Variants in GPM6A observed in about 807,000 individuals in gnomAD.
The protein encoded by GPM6A is glycoprotein M6A, also known as neuronal membrane glycoprotein M6-a.
In GPM6A, 7 loss-of-function variants were observed where a neutral mutation model predicts 32.1. The ratio of observed to expected loss-of-function variants is 0.22; its 90% CI spans 0.12 to 0.41. The LOEUF (loss-of-function observed/expected upper bound fraction) is 0.41. GPM6A is among the 10% of genes least tolerant of loss of function. The pLI, the probability that GPM6A is intolerant of heterozygous loss-of-function variation, is 1.00. For missense variants in GPM6A, 235 were observed against 347.2 expected (o/e 0.68, Z 2.57); for synonymous variants, 130 against 123.4 (o/e 1.05, Z -0.35).
intron 1 of GPM6A, among the ~76,000 whole-genome samples, chr4:175,777,080 C>T (rs1733424941): frequency 6.6e-6 from 1 of 152,046 alleles, no homozygotes; most frequent in Non-Finnish European, 1.5e-5. Flanking sequence ...ATTAAGGATG[C>T]ATGTGTAAAG....
rs151322270 is a variant in GPM6A at position 175,914,948 on chromosome 4, G to A, written c.-23+87361C>T. Among the ~76,000 whole-genome samples the A allele has an allele frequency of 4.6e-5, 7 of 152,170 alleles. No individual in the cohort carries two copies. The East Asian group carries it at 7.7e-4, about 17-fold the overall frequency. On this transcript the variant is annotated intron_variant, in intron 1 of 7. Coordinates refer to the GPM6A transcript ENST00000280187. ...AACCTAGAAAAGTGACTGGCACAGC[G>A]CACATGCTCAATAAATATTTTTACA...
intron 1 of GPM6A, chr4:175,787,061 T>C: frequency 2.8e-6 from 1 of 353,278 alleles, no homozygotes; most frequent in Non-Finnish European, 5.1e-6. Flanking sequence ...GTTTGTTTGT[T>C]TTCCTTTGTT....
At chr4:175,708,383 A>G (rs1323358281) in intron 1 of GPM6A, among the ~76,000 whole-genome samples, 2 of 150,474 alleles carry the variant, frequency 1.3e-5, no homozygotes, top group African/African-American at 4.9e-5. Context: ...TTATTTATTT[A>G]TTTATTTATT....
chr4:175,856,364 G>C (rs1452981884), intron 1 of GPM6A, among the ~76,000 whole-genome samples: 1 of 152,190 alleles, frequency 6.6e-6, no homozygotes, highest in Non-Finnish European at 1.5e-5. Flanking sequence ...TTGTGGGAGG[G>C]GGAGCACATA....
chr4:175,783,105 G>T (rs893004570), intron 1 of GPM6A, among the ~76,000 whole-genome samples: 3 of 151,996 alleles, frequency 2.0e-5, no homozygotes, highest in African/African-American at 7.2e-5. Context: ...AATGAGAAAT[G>T]TTTTGAATTA....
intron 1 of GPM6A, among the ~76,000 whole-genome samples, chr4:175,828,375 C>T (rs567073109): frequency 6.6e-6 from 1 of 152,194 alleles, no homozygotes; most frequent in East Asian, 1.9e-4. Context: ...TTGTTATGTG[C>T]TTGAACTTTG....
chr4:175,789,002 G>A (rs753503728), intron 1 of GPM6A, among the ~76,000 whole-genome samples: 3 of 152,130 alleles, frequency 2.0e-5, no homozygotes, highest in South Asian at 2.1e-4. Flanking sequence ...GGAAGTTAAC[G>A]TGTTTTGACC....
At chr4:175,665,158 G>T (rs745709493) in intron 3 of GPM6A, among the ~76,000 whole-genome samples, 9 of 152,182 alleles carry the variant, frequency 5.9e-5, no homozygotes, top group Non-Finnish European at 1.5e-5. Context: ...CCCACAATGT[G>T]TACTGTACTA....
chr4:175,681,668 C>T (rs1009915675), intron 2 of GPM6A, among the ~76,000 whole-genome samples: 4 of 151,984 alleles, frequency 2.6e-5, no homozygotes, highest in African/African-American at 9.7e-5. Flanking sequence ...TCTCTTGCTC[C>T]CACTCTGGCC....
rs1731453169 is a variant in GPM6A at position 175,731,975 on chromosome 4, T to C, written c.38-30208A>G. Among the ~76,000 whole-genome samples the C allele has an allele frequency of 1.3e-5, 2 of 150,254 alleles. 1 individual carries two copies. The highest frequency in any genetic ancestry group is 4.9e-5 in the African/African-American group (2 of 40,788). On this transcript the variant is annotated intron_variant, in intron 1 of 6. Coordinates refer to ENST00000393658, the MANE Select transcript of GPM6A (RefSeq NM_201591.3). ...TTCACTTCCTCACTTCATTTTTTTT[T>C]TTTTTTTTCGTGACAGAGTGTTGCT...
chr4:175,663,983 T>C (rs74796931), intron 3 of GPM6A, among the ~76,000 whole-genome samples: 7,541 of 152,202 alleles, frequency 0.05, 206 homozygotes, highest in Non-Finnish European at 0.061. Context: ...TGAGCCACCG[T>C]GCCCAGCCAA....
chr4:175,722,215 T>A (rs1579426775), intron 1 of GPM6A, among the ~76,000 whole-genome samples: 1 of 151,854 alleles, frequency 6.6e-6, no homozygotes, highest in Admixed American at 6.6e-5. Context: ...TGAGCCCAGG[T>A]ATATTTTAAA....
chr4:175,948,612 A>C (rs1383684061), intron 1 of GPM6A, among the ~76,000 whole-genome samples: 1 of 152,202 alleles, frequency 6.6e-6, no homozygotes, highest in East Asian at 1.9e-4. Context: ...AATCCATCAA[A>C]CTTTATATAA....
chr4:175,639,909 A>T (rs1741036484), intron 6 of GPM6A, among the ~76,000 whole-genome samples: 1 of 152,138 alleles, frequency 6.6e-6, no homozygotes. Flanking sequence ...CTAATGAATT[A>T]CTATTTTTGT....
chr4:175,649,626 T>C (rs774515172), intron 4 of GPM6A, among the ~76,000 whole-genome samples: 8 of 152,192 alleles, frequency 5.3e-5, no homozygotes, highest in Non-Finnish European at 1.2e-4. Flanking sequence ...TTTCTGAAAG[T>C]ATAAACCATC....
chr4:175,678,459 G>C (rs901884916), intron 2 of GPM6A, among the ~76,000 whole-genome samples: 9 of 152,042 alleles, frequency 5.9e-5, no homozygotes, highest in Admixed American at 2.6e-4. Context: ...CAAAATGAGG[G>C]GATAGAAAGC....
intron 1 of GPM6A, among the ~76,000 whole-genome samples, chr4:175,805,739 A>G (rs1456077008): frequency 6.6e-6 from 1 of 152,190 alleles, no homozygotes; most frequent in Non-Finnish European, 1.5e-5. Context: ...TTAAAAGCCG[A>G]CAGTCATTCT....
intron 1 of GPM6A, among the ~76,000 whole-genome samples, chr4:175,769,487 GA>G (rs1192370183): frequency 6.6e-6 from 1 of 152,144 alleles, no homozygotes; most frequent in Admixed American, 6.5e-5. Context: ...TGAGTTCAGG[GA>G]AACAAATCAA....
intron 1 of GPM6A, among the ~76,000 whole-genome samples, chr4:175,852,088 G>T (rs1736276902): frequency 2.6e-5 from 4 of 152,098 alleles, no homozygotes; most frequent in Middle Eastern, 3.2e-3. Flanking sequence ...ATAATACTTG[G>T]AATTGGGGCT....
Sources: gnomAD v4.1 joint callset for allele counts (sites outside exome capture counted in the v4.1 genomes callset) on GRCh38, gnomAD v4.1.1 for gene constraint, MANE v1.5 for transcripts, NCBI Gene and HGNC (gene_info 2026-07-23, HGNC 2026-07-21) for gene names.